Variants in MAML2 observed in about 807,000 individuals in gnomAD.
MAML2 encodes the protein mastermind-like protein 2.
In MAML2, 22 loss-of-function variants were observed where a neutral mutation model predicts 96.1. That is an observed-to-expected ratio of 0.23 (90% CI 0.16 to 0.33). MAML2 has a LOEUF of 0.33. MAML2 is among the 10% of genes least tolerant of loss of function. The pLI, the probability that MAML2 is intolerant of heterozygous loss-of-function variation, is 1.00. For synonymous variants in MAML2, 561 were observed against 521.3 expected, an observed-to-expected ratio of 1.08 and a Z score of -1.04; for missense variants, 1,367 against 1,392.4, an observed-to-expected ratio of 0.98 and a Z score of 0.29.
At chr11:96,295,325 T>C (rs1863277817) in intron 1 of MAML2, among the ~76,000 whole-genome samples, 1 of 152,230 alleles carries the variant, frequency 6.6e-6, no homozygotes, top group African/African-American at 2.4e-5. Flanking sequence ...TGCTTTTCTA[T>C]ATTTAGAAAC....
chr11:96,145,833 C>T (rs972907738), intron 1 of MAML2, among the ~76,000 whole-genome samples: 3 of 152,122 alleles, frequency 2.0e-5, no homozygotes, highest in African/African-American at 7.2e-5. Context: ...CATGGCGAAA[C>T]CCCGTCTCTA....
At chr11:96,207,121 G>A (rs559838831) in intron 1 of MAML2, among the ~76,000 whole-genome samples, 1 of 152,168 alleles carries the variant, frequency 6.6e-6, no homozygotes, top group African/African-American at 2.4e-5. Context: ...AAAAGGACTT[G>A]TTTTCTTGTA....
intron 2 of MAML2, among the ~76,000 whole-genome samples, chr11:96,068,819 G>A (rs1370252476): frequency 2.2e-5 from 3 of 136,176 alleles, no homozygotes. Context: ...GACAGAGCAA[G>A]ACTCCTTCTC....
At chr11:96,113,348 CA>C (rs1418811633) in intron 1 of MAML2, among the ~76,000 whole-genome samples, 1 of 152,028 alleles carries the variant, frequency 6.6e-6, no homozygotes, top group Non-Finnish European at 1.5e-5. Context: ...TCTGTATTTT[CA>C]AATTCTTTCT....
intron 1 of MAML2, among the ~76,000 whole-genome samples, chr11:96,311,705 GT>G (rs1325981126): frequency 6.6e-6 from 1 of 152,214 alleles, no homozygotes; most frequent in Non-Finnish European, 1.5e-5. Context: ...ATCTAACTTT[GT>G]TATAATAGGG....
chr11:96,173,423 C>T (rs548604304), intron 1 of MAML2, among the ~76,000 whole-genome samples: 6 of 152,186 alleles, frequency 3.9e-5, no homozygotes, highest in African/African-American at 1.4e-4. Context: ...GAGATAAAGG[C>T]CTGGAGCTCA....
intron 1 of MAML2, among the ~76,000 whole-genome samples, chr11:96,214,534 A>C (rs138226624): frequency 6.6e-6 from 1 of 152,358 alleles, no homozygotes; most frequent in East Asian, 1.9e-4. Context: ...ACAACAAAAT[A>C]GGAAACACTT....
At chr11:96,139,694 C>T (rs545720406) in intron 1 of MAML2, among the ~76,000 whole-genome samples, 150 of 152,132 alleles carry the variant, frequency 9.9e-4, no homozygotes, top group African/African-American at 3.4e-3. Flanking sequence ...CCTTTACCTA[C>T]TCATAATCAT....
At chr11:96,119,474 G>A (rs561481564) in intron 1 of MAML2, among the ~76,000 whole-genome samples, 3 of 152,318 alleles carry the variant, frequency 2.0e-5, no homozygotes, top group Non-Finnish European at 2.9e-5. Flanking sequence ...CAGCCCGGCC[G>A]ACACTGATTT....
chr11:96,302,967 C>T (rs188164071), intron 1 of MAML2, among the ~76,000 whole-genome samples: 4 of 152,284 alleles, frequency 2.6e-5, no homozygotes, highest in Admixed American at 2.6e-4. Context: ...ATGCATATCA[C>T]TTTATTTTGG....
chr11:95,991,096 A>G (rs1221550293), intron 3 of MAML2, among the ~76,000 whole-genome samples: 1 of 152,032 alleles, frequency 6.6e-6, no homozygotes, highest in Non-Finnish European at 1.5e-5. Context: ...TTGGAAGCCA[A>G]ATCTTGGTTT....
At chr11:96,293,412 C>T (rs768469236) in intron 1 of MAML2, among the ~76,000 whole-genome samples, 6 of 152,110 alleles carry the variant, frequency 3.9e-5, no homozygotes, top group African/African-American at 1.2e-4. Context: ...TAATTTTCCT[C>T]GGTCTTTCAT....
chr11:96,020,957 G>T (rs1858426155), intron 2 of MAML2, among the ~76,000 whole-genome samples: 1 of 152,196 alleles, frequency 6.6e-6, no homozygotes, highest in Admixed American at 6.5e-5. Context: ...GGACAACTAT[G>T]CTATATGGAT....
intron 1 of MAML2, among the ~76,000 whole-genome samples, chr11:96,140,069 C>A (rs1327881235): frequency 6.6e-6 from 1 of 152,248 alleles, no homozygotes; most frequent in African/African-American, 2.4e-5. Flanking sequence ...TGATGTTTCA[C>A]TTTCTTTATG....
chr11:96,220,942 C>T (rs1269329979), intron 1 of MAML2, among the ~76,000 whole-genome samples: 1 of 152,116 alleles, frequency 6.6e-6, no homozygotes, highest in Non-Finnish European at 1.5e-5. Flanking sequence ...CTGGCTAAAA[C>T]AAATTCATTT....
At chr11:96,317,093 C>T (rs906448656) in intron 1 of MAML2, among the ~76,000 whole-genome samples, 2 of 152,122 alleles carry the variant, frequency 1.3e-5, no homozygotes, top group African/African-American at 2.4e-5. Context: ...AGATGTTCCT[C>T]GGTGTCCTGT....
chr11:96,067,605 C>T (rs572994953), intron 2 of MAML2, among the ~76,000 whole-genome samples: 180 of 150,920 alleles, frequency 1.2e-3, no homozygotes, highest in African/African-American at 4.3e-3. Context: ...TTTTTTAAAT[C>T]ATCTTTTAAA....
At chr11:96,291,133 T>G (rs976253445) in intron 1 of MAML2, among the ~76,000 whole-genome samples, 1 of 140,502 alleles carries the variant, frequency 7.1e-6, no homozygotes, top group Non-Finnish European at 1.5e-5. Context: ...TTTTTTTTTT[T>G]TTTTTTTTTG....
intron 1 of MAML2, among the ~76,000 whole-genome samples, chr11:96,132,790 T>C (rs1486011011): frequency 6.6e-6 from 1 of 152,216 alleles, no homozygotes; most frequent in Admixed American, 6.5e-5. Context: ...TCAGTGTATT[T>C]GGGTGTTCTG....
Sources: gnomAD v4.1 joint callset for allele counts (sites outside exome capture counted in the v4.1 genomes callset) on GRCh38, gnomAD v4.1.1 for gene constraint, MANE v1.5 for transcripts, NCBI Gene and HGNC (gene_info 2026-07-23, HGNC 2026-07-21) for gene names.